The following RAB27A variants were observed in gnomAD, a reference collection of about 807,000 sequenced individuals.
RAB27A encodes the protein ras-related protein Rab-27A.
A neutral mutation model predicts 20.8 loss-of-function variants in RAB27A; 17 were observed. The observed-to-expected ratio is 0.82, with a 90% CI of 0.56 to 1.23. The LOEUF (loss-of-function observed/expected upper bound fraction) is 1.23. Ranked by LOEUF, RAB27A falls within the 50% of genes most tolerant of loss-of-function variation. The pLI is 0.00. For synonymous variants in RAB27A, 85 were observed against 92.8 expected, an observed-to-expected ratio of 0.92 and a Z score of 0.48; for missense variants, 277 against 266.7, an observed-to-expected ratio of 1.04 and a Z score of -0.27.
At chr15:55,269,224 C>T (rs1897619641) in intron 2 of RAB27A, among the ~76,000 whole-genome samples, 1 of 152,152 alleles carries the variant, frequency 6.6e-6, no homozygotes, top group African/African-American at 2.4e-5. Context: ...TAAACTAATA[C>T]AATATCCAGA....
intron 4 of RAB27A, among the ~76,000 whole-genome samples, chr15:55,229,539 G>A (rs1895949309): frequency 6.6e-6 from 1 of 151,984 alleles, no homozygotes; most frequent in Admixed American, 6.6e-5. Flanking sequence ...GCTGTGTGTA[G>A]TGGTGCACAT....
At position 55,223,908 on chromosome 15, in the gene RAB27A, C is replaced by T; in HGVS notation, c.448G>A (p.Ala150Thr). The change falls in exon 6 of 7, where the codon GCA (alanine) becomes ACA (threonine). Residue 150 changes from alanine (A) to threonine (T), a missense_variant. Ala to Thr is a moderately conservative substitution (Grantham distance 58, BLOSUM62 0). Transcript: ENST00000336787. ...ACTCACCCATATTTCTCTGCGAGTG[C>T]TATGGCTTCCTCCTCTTTCACTACT... ...QRVVKEEEAI[A>T]LAEKYGIPYF... 2.5e-6 allele frequency: 4 copies of T among 1,613,808 alleles called. No homozygotes were observed. The highest frequency in any genetic ancestry group is 3.4e-6 in the Non-Finnish European group (4 of 1,179,902).
At chr15:55,265,989 T>C (rs999955213) in intron 2 of RAB27A, among the ~76,000 whole-genome samples, 24 of 152,146 alleles carry the variant, frequency 1.6e-4, no homozygotes, top group Non-Finnish European at 1.0e-4. Flanking sequence ...TAGAAAGATC[T>C]CTATGGCAGC....
At chr15:55,253,836 GAAC>G (rs897895866) in intron 2 of RAB27A, among the ~76,000 whole-genome samples, 1 of 151,930 alleles carries the variant, frequency 6.6e-6, no homozygotes, top group African/African-American at 2.4e-5. Context: ...ATCAGCAAGA[GAAC>G]AACGCAAGAG....
intron 2 of RAB27A, among the ~76,000 whole-genome samples, chr15:55,261,360 G>C (rs191464945): frequency 6.6e-6 from 1 of 151,898 alleles, no homozygotes; most frequent in African/African-American, 2.4e-5. Flanking sequence ...TCGTGCCACT[G>C]CACTCCAGCC....
At chr15:55,268,130 A>T (rs1347377703) in intron 2 of RAB27A, among the ~76,000 whole-genome samples, 4 of 151,992 alleles carry the variant, frequency 2.6e-5, no homozygotes, top group Non-Finnish European at 5.9e-5. Flanking sequence ...TCATGAATAA[A>T]CACTCATCCC....
chr15:55,260,410 C>T (rs551727566), intron 2 of RAB27A, among the ~76,000 whole-genome samples: 63 of 152,272 alleles, frequency 4.1e-4, no homozygotes, highest in Non-Finnish European at 7.9e-4. Context: ...TTACTCTTAC[C>T]GTACAATCCA....
intron 6 of RAB27A, among the ~76,000 whole-genome samples, chr15:55,221,971 T>C (rs1895592732): frequency 1.3e-5 from 2 of 152,158 alleles, no homozygotes; most frequent in South Asian, 4.1e-4. Context: ...CCTTCTCCCC[T>C]TCCTGTCTGA....
chr15:55,226,468 G>A (rs1880217055), intron 5 of RAB27A, among the ~76,000 whole-genome samples: 2 of 152,036 alleles, frequency 1.3e-5, no homozygotes, highest in South Asian at 4.1e-4. Flanking sequence ...CTTCTTTAAT[G>A]CAACACTGTG....
At chr15:55,215,949 A>G (rs1895280428) in intron 6 of RAB27A, among the ~76,000 whole-genome samples, 3 of 149,868 alleles carry the variant, frequency 2.0e-5, no homozygotes, top group Non-Finnish European at 4.5e-5. Flanking sequence ...CCGTCTCAAA[A>G]AAAAAAAAAA....
chr15:55,270,798 T>A (rs903229607), intron 1 of RAB27A: 6 of 152,220 alleles, frequency 3.9e-5, no homozygotes, highest in African/African-American at 1.4e-4. Flanking sequence ...TAAAACTGCC[T>A]ACAAGGGAGT....
chr15:55,315,720 G>A (rs564587520), intron 1 of RAB27A, among the ~76,000 whole-genome samples: 132 of 152,312 alleles, frequency 8.7e-4, no homozygotes, highest in Non-Finnish European at 1.6e-3. Context: ...TCTCATGCCA[G>A]TTAGAATGGT....
rs191159332 is a variant in RAB27A, at chr15:55,225,548, G to C, written c.344-1536C>G. On this transcript the variant is annotated intron_variant, in intron 5 of 6. Coordinates refer to ENST00000336787, the MANE Select transcript of RAB27A (RefSeq NM_183235.3). ...GCTGGAAATGGGGCTAGAAATCTGT[G>C]TTTTAAAAAGTCCTCCAGGTGACTG... Among the ~76,000 whole-genome samples the C allele has an allele frequency of 1.8e-3, 271 of 152,228 alleles. 3 individuals carry two copies. Among genetic ancestry groups the C allele is most frequent in the Middle Eastern group, 3.4e-3 (1 of 294 alleles).
chr15:55,244,345 A>G (rs1355974406), intron 2 of RAB27A, among the ~76,000 whole-genome samples: 1 of 151,976 alleles, frequency 6.6e-6, no homozygotes, highest in Non-Finnish European at 1.5e-5. Context: ...AAAACAAAAC[A>G]AAAAAACACA....
At chr15:55,251,593 C>A (rs1179919393) in intron 2 of RAB27A, among the ~76,000 whole-genome samples, 4 of 152,084 alleles carry the variant, frequency 2.6e-5, no homozygotes, top group Admixed American at 6.5e-5. Context: ...TATGGATGAA[C>A]CCTCAAAAGT....
intron 6 of RAB27A, among the ~76,000 whole-genome samples, chr15:55,213,192 C>T (rs1392157720): frequency 6.6e-6 from 1 of 152,190 alleles, no homozygotes; most frequent in African/African-American, 2.4e-5. Context: ...CAATTGAATT[C>T]AGTAAAGTAT....
intron 5 of RAB27A, among the ~76,000 whole-genome samples, chr15:55,225,027 A>G (rs1011114534): frequency 5.3e-5 from 8 of 152,216 alleles, no homozygotes; most frequent in African/African-American, 1.9e-4. Context: ...TAAGACCTAC[A>G]GAGGACAGAC....
chr15:55,306,009 T>C (rs1357054778), intron 2 of RAB27A, among the ~76,000 whole-genome samples: 3 of 151,490 alleles, frequency 2.0e-5, no homozygotes, highest in Non-Finnish European at 4.4e-5. Context: ...TGGGGGGCAC[T>C]AAGAATGACA....
At chr15:55,266,818 G>A (rs1222234378) in intron 2 of RAB27A, among the ~76,000 whole-genome samples, 3 of 152,140 alleles carry the variant, frequency 2.0e-5, no homozygotes, top group African/African-American at 7.2e-5. Context: ...TACACTGTAC[G>A]GTACACAACC....
Sources: allele counts gnomAD v4.1 joint callset (sites outside exome capture counted in the v4.1 genomes callset), GRCh38; gene constraint gnomAD v4.1.1; transcripts MANE v1.5; gene names NCBI Gene and HGNC (gene_info 2026-07-23, HGNC 2026-07-21).